TASP1: variants seen among roughly 807,000 people sequenced by gnomAD.
The protein encoded by TASP1 is threonine aspartase 1.
Under a neutral mutation model 56.6 loss-of-function variants are expected in TASP1, and 16 were observed. The ratio of observed to expected loss-of-function variants is 0.28; its 90% CI spans 0.19 to 0.43. TASP1 has a LOEUF of 0.43. Among genes scored for constraint, TASP1 ranks in the 20% least tolerant of loss-of-function variants. The pLI is 1.00. For synonymous variants in TASP1, 179 were observed against 184.2 expected (o/e 0.97, Z 0.23); for missense variants, 393 against 511.6 (o/e 0.77, Z 2.24).
At chr20:13,621,132 T>G (rs1243834367) in intron 4 of TASP1, among the ~76,000 whole-genome samples, 1 of 152,096 alleles carries the variant, frequency 6.6e-6, no homozygotes, top group African/African-American at 2.4e-5. Flanking sequence ...ATTTAATAAT[T>G]ACAAGTTGAG....
At chr20:13,507,633 C>T (rs1032202517) in intron 10 of TASP1, among the ~76,000 whole-genome samples, 1 of 152,150 alleles carries the variant, frequency 6.6e-6, no homozygotes, top group African/African-American at 2.4e-5. Context: ...TGAAAGAATA[C>T]TGTCAAAACA....
At chr20:13,105,187 T>G in the TASP1 span, among the ~76,000 whole-genome samples, 1 of 152,054 alleles carries the variant, frequency 6.6e-6, no homozygotes, top group Non-Finnish European at 1.5e-5. Context: ...GGGGCCAGAA[T>G]CCAGGCCGAG....
intron 12 of TASP1, among the ~76,000 whole-genome samples, chr20:13,430,215 G>A (rs1280646459): frequency 6.6e-6 from 1 of 152,168 alleles, no homozygotes; most frequent in African/African-American, 2.4e-5. Flanking sequence ...TTAGACGAAA[G>A]GGCTTAAAAA....
intron 5 of TASP1, among the ~76,000 whole-genome samples, chr20:13,584,181 T>G (rs1469514999): frequency 6.6e-6 from 1 of 152,200 alleles, no homozygotes; most frequent in African/African-American, 2.4e-5. Context: ...TTCAATTAAC[T>G]ATGTAGGAAC....
At chr20:13,275,200 G>A in the TASP1 span, among the ~76,000 whole-genome samples, 7 of 150,226 alleles carry the variant, frequency 4.7e-5, no homozygotes, top group African/African-American at 1.7e-4. Flanking sequence ...CCATTAAGAC[G>A]GACTTAAAAA....
At chr20:13,306,564 C>CAAAAAAAAAAAAAAAAAAAAAAAGAAA in the TASP1 span, among the ~76,000 whole-genome samples, 7 of 63,908 alleles carry the variant, frequency 1.1e-4, no homozygotes, top group Admixed American at 2.2e-4. Context: ...GGAGAAAGGA[C>CAAAAAAAAAAAAAAAAAAAAAAAGAAA]AAAAAAAAAA....
At chr20:13,453,631 T>A (rs1299417159) in intron 11 of TASP1, among the ~76,000 whole-genome samples, 1 of 152,064 alleles carries the variant, frequency 6.6e-6, no homozygotes, top group Admixed American at 6.6e-5. Context: ...AGTGCATGGA[T>A]AGCATCATTA....
intron 11 of TASP1, among the ~76,000 whole-genome samples, chr20:13,471,613 G>C (rs6079077): frequency 0.36 from 54,558 of 151,900 alleles, 10,625 homozygotes; most frequent in Non-Finnish European, 0.43. Context: ...AATTGCCACT[G>C]CCTACAAATT....
intron 4 of TASP1, among the ~76,000 whole-genome samples, chr20:13,602,222 C>A (rs978603008): frequency 1.3e-5 from 2 of 151,986 alleles, no homozygotes; most frequent in Non-Finnish European, 2.9e-5. Context: ...TCATACAAAT[C>A]TCAATTAAAG....
chr20:13,372,800 T>C, the TASP1 span, among the ~76,000 whole-genome samples: 1 of 152,092 alleles, frequency 6.6e-6, no homozygotes, highest in Non-Finnish European at 1.5e-5. Flanking sequence ...TAGTTTGTTT[T>C]CTCTCAGTGG....
At chr20:13,550,848 C>T (rs2045960549) in intron 8 of TASP1, among the ~76,000 whole-genome samples, 1 of 152,056 alleles carries the variant, frequency 6.6e-6, no homozygotes, top group Non-Finnish European at 1.5e-5. Context: ...CAAGCACAGA[C>T]AAGTACAAAT....
intron 7 of TASP1, among the ~76,000 whole-genome samples, chr20:13,568,737 C>T (rs545789977): frequency 9.2e-5 from 14 of 152,198 alleles, no homozygotes; most frequent in African/African-American, 3.1e-4. Context: ...GTGACAGGTT[C>T]CCAGAAGCAG....
At chr20:13,157,546 AC>A in the TASP1 span, among the ~76,000 whole-genome samples, 3 of 152,190 alleles carry the variant, frequency 2.0e-5, no homozygotes, top group African/African-American at 7.2e-5. Flanking sequence ...AACACACAGC[AC>A]AACCTCTCAA....
At chr20:13,162,148 A>C in the TASP1 span, among the ~76,000 whole-genome samples, 1 of 152,240 alleles carries the variant, frequency 6.6e-6, no homozygotes, top group Non-Finnish European at 1.5e-5. Context: ...AAATAGGTTT[A>C]GAAAATACCC....
At chr20:13,626,181 T>G (rs946980980) in intron 2 of TASP1, among the ~76,000 whole-genome samples, 1 of 152,142 alleles carries the variant, frequency 6.6e-6, no homozygotes, top group African/African-American at 2.4e-5. Flanking sequence ...TCCCAGCACT[T>G]TGGGAGGCTG....
In TASP1 at chr20:13,602,519, G is replaced by T. The variant is rs547979973; in HGVS notation, c.283-15149C>A. 2.0e-4 allele frequency among the ~76,000 whole-genome samples: 30 copies of T among 152,294 alleles called. 2 individuals carry two copies. Among genetic ancestry groups the T allele is most frequent in the African/African-American group, 7.0e-4 (29 of 41,568 alleles). On this transcript the variant is annotated intron_variant, in intron 4 of 13. Transcript: ENST00000337743. Reference sequence around the variant, plus strand: ...TGCTAATTAGGGAAACTGGATATTAGCATATGAGAATTCTCTAAACCAGTG... The same window carrying T: ...TGCTAATTAGGGAAACTGGATATTATCATATGAGAATTCTCTAAACCAGTG...
At chr20:13,155,197 G>A in the TASP1 span, among the ~76,000 whole-genome samples, 1 of 151,608 alleles carries the variant, frequency 6.6e-6, no homozygotes, top group Non-Finnish European at 1.5e-5. Flanking sequence ...AAAAAAAAAA[G>A]GAAGTTAACT....
chr20:13,178,424 CATT>C, the TASP1 span, among the ~76,000 whole-genome samples: 1 of 152,028 alleles, frequency 6.6e-6, no homozygotes, highest in Admixed American at 6.6e-5. Flanking sequence ...GAAGGTAAAT[CATT>C]ATACGGAAGA....
chr20:13,434,279 T>C (rs920598167), intron 12 of TASP1, among the ~76,000 whole-genome samples: 13 of 152,152 alleles, frequency 8.5e-5, no homozygotes, highest in African/African-American at 3.1e-4. Context: ...TTTAAAAAAA[T>C]AACAAATAGT....
Sources: allele counts gnomAD v4.1 joint callset (sites outside exome capture counted in the v4.1 genomes callset), GRCh38; gene constraint gnomAD v4.1.1; transcripts MANE v1.5; gene names NCBI Gene and HGNC (gene_info 2026-07-23, HGNC 2026-07-21).